Variants in HOXB9 observed in about 807,000 individuals in gnomAD.
HOXB9 encodes homeobox protein Hox-B9.
HOXB9 carries 10 observed loss-of-function variants against 21.5 expected under a neutral mutation model. The ratio of observed to expected loss-of-function variants is 0.47; its 90% confidence interval spans 0.29 to 0.79. HOXB9 has a LOEUF of 0.79. Ranked by LOEUF, HOXB9 falls within the 30% of genes least tolerant of loss-of-function variation. The pLI is 0.10. For missense variants in HOXB9, 375 were observed against 338.7 expected (o/e 1.11, Z -0.84); for synonymous variants, 156 against 151.2 (o/e 1.03, Z -0.23).
chr17:48,626,313 C>A lies in HOXB9; in HGVS notation c.-44G>T, dbSNP rs2070816563. 8 of 1,533,800 alleles carry A rather than the reference C, an allele frequency of 5.2e-6. No individual in the cohort carries two copies. Among genetic ancestry groups the A allele is most frequent in the Non-Finnish European group, 7.0e-6 (8 of 1,146,066 alleles). On this transcript the variant is annotated 5_prime_UTR_variant, in exon 1 of 2. Coordinates refer to ENST00000311177, the MANE Select transcript of HOXB9 (RefSeq NM_024017.5). Reference sequence around the variant, plus strand: ...CGCTTGCAGGGGGAAGGGAAGCGCTCGCGCGGCGGCGCCCAAGCAGGGAGA... The same window carrying A: ...CGCTTGCAGGGGGAAGGGAAGCGCTAGCGCGGCGGCGCCCAAGCAGGGAGA...
Position 48,622,976 on chromosome 17 carries a change from T to C in HOXB9, c.677A>G (p.Glu226Gly). 1.2e-6 allele frequency: 2 copies of C among 1,614,254 alleles called. No individual in the cohort carries two copies. The highest frequency in any genetic ancestry group is 1.7e-6 in the Non-Finnish European group (2 of 1,180,044). ...CTGAAACCAGATTTTGACTTGTCTC[T>C]CACTCAGATTGAGGAGTCTGGCCAC... ...HEVARLLNLS[E>G]RQVKIWFQNR... The change falls in exon 2 of 2, where the codon GAG becomes GGG. Residue 226 changes from glutamate to glycine, a missense_variant. Glu to Gly is a moderately conservative substitution (Grantham distance 98). Transcript: ENST00000311177.
intron 1 of HOXB9, 97 bp downstream of exon 1, chr17:48,625,656 C>A: frequency 7.3e-7 from 1 of 1,369,888 alleles, no homozygotes; most frequent in Non-Finnish European, 9.6e-7. Context: ...GCCACCGCCG[C>A]AGTTTCCCTT....
chr17:48,624,512 T>C (rs960710445), intron 1 of HOXB9, among the ~76,000 whole-genome samples: 1 of 152,076 alleles, frequency 6.6e-6, no homozygotes, highest in Non-Finnish European at 1.5e-5. Flanking sequence ...ACCTGGCAGG[T>C]TGGAGGTGAC....
chr17:48,625,696 C>T, intron 1 of HOXB9, 57 bp downstream of exon 1: 3 of 1,439,478 alleles, frequency 2.1e-6, no homozygotes, highest in Non-Finnish European at 2.7e-6. Flanking sequence ...TGCCTTTCCC[C>T]TCCCCGCCCC....
chr17:48,625,918 C>A lies in HOXB9; in HGVS notation c.352G>T (p.Ala118Ser). ...APGQGQAAVK[A>S]EPLLGAPGEL... The stretch of plus-strand genomic sequence containing the variant: ...CCAGGCGCGCCCAGCAGCGGCTCCG[C>A]CTTCACCGCCGCCTGGCCCTGCCCC... The change falls in exon 1 of 2, where the codon GCG (alanine) becomes TCG (serine). Residue 118 changes from alanine (A) to serine (S), a missense_variant. By Grantham distance (99) the Ala-to-Ser change is moderately conservative. Transcript: ENST00000311177. The A allele has an allele frequency of 6.3e-7, 1 of 1,582,308 alleles. No homozygotes were observed. Among genetic ancestry groups the A allele is most frequent in the Non-Finnish European group, 8.6e-7 (1 of 1,168,254 alleles).
At chr17:48,625,358 G>T (rs2070803260) in intron 1 of HOXB9, among the ~76,000 whole-genome samples, 1 of 152,216 alleles carries the variant, frequency 6.6e-6, no homozygotes, top group Non-Finnish European at 1.5e-5. Flanking sequence ...TCCGGCCCTT[G>T]CCCTCGCCGG....
At chr17:48,623,168 G>A in intron 1 of HOXB9, 33 bp from the exon 2 acceptor site, 1 of 1,568,850 alleles carries the variant, frequency 6.4e-7, no homozygotes, top group Middle Eastern at 1.7e-4. Context: ...ATCAAAGAAA[G>A]GAAGGGGGTG....
In HOXB9 at chr17:48,626,113, G is replaced by C. The variant is rs770298062; in HGVS notation, c.157C>G (p.Gln53Glu). The C allele has an allele frequency of 1.1e-5, 18 of 1,583,224 alleles. No individual in the cohort carries two copies. The African/African-American group carries it at 2.0e-4, about 18-fold the overall frequency. The change falls in exon 1 of 2, where the codon CAG becomes GAG. Residue 53 changes from glutamine to glutamate, a missense_variant. Coordinates refer to ENST00000311177, the MANE Select transcript of HOXB9 (RefSeq NM_024017.5). ...GCGCCGAACACCGGCGCTTTGGGCT[G>C]GAAGCTGCACGAGGGGAACTCCAGG... ...EHLEFPSCSF[Q>E]PKAPVFGASW...
chr17:48,624,846 C>T (rs1189288305), intron 1 of HOXB9, among the ~76,000 whole-genome samples: 2 of 152,086 alleles, frequency 1.3e-5, no homozygotes, highest in African/African-American at 4.8e-5. Context: ...TGGGAGGTGA[C>T]GGGAAACTAC....
Position 48,621,482 on chromosome 17 carries a change from C to G in HOXB9, c.*1418G>C, listed in dbSNP as rs1380066690. The G allele has an allele frequency of 6.6e-6, 1 of 152,424 alleles. No homozygotes were observed. The highest frequency in any genetic ancestry group is 1.5e-5 in the Non-Finnish European group (1 of 68,152). 9.4% of individuals were successfully genotyped at this position (152,424 alleles called of 1,614,324 possible). On this transcript the variant is annotated 3_prime_UTR_variant, in exon 2 of 2. Coordinates refer to ENST00000311177, the MANE Select transcript of HOXB9 (RefSeq NM_024017.5). ...ACGGAAGCAGAGAGTAAGCTTCCAT[C>G]TGATGCTTAGGTGCCATTTTGCCCC...
At position 48,625,122 on chromosome 17, in the gene HOXB9, G is replaced by A. The variant is rs569665464; in HGVS notation, c.517+631C>T. Among the ~76,000 whole-genome samples the A allele has an allele frequency of 2.6e-3, 403 of 152,360 alleles. 2 individuals are homozygous for A. The highest frequency in any genetic ancestry group is 8.5e-3 in the African/African-American group (352 of 41,588). On this transcript the variant is annotated intron_variant, in intron 1 of 1. Coordinates refer to ENST00000311177, the MANE Select transcript of HOXB9 (RefSeq NM_024017.5). ...GGGAGGGGCCGGCGCATCCGGGGAG[G>A]GGGCTCAGTCACCGCGTCCTGGGCT...
Position 48,622,841 on chromosome 17 carries a change from C to T in HOXB9, c.*59G>A. ...CAGACAGCACTGGCTTTGCAGTCGT[C>T]ACATAACTAAGAGTGAGATGGGGAA... On this transcript the variant is annotated 3_prime_UTR_variant, in exon 2 of 2. Coordinates refer to ENST00000311177, the MANE Select transcript of HOXB9 (RefSeq NM_024017.5). The T allele has an allele frequency of 1.5e-6, 2 of 1,308,516 alleles. No individual in the cohort carries two copies. The highest frequency in any genetic ancestry group is 1.7e-5 in the Admixed American group (1 of 57,694). The allele number at this position is 1,308,516 out of a possible 1,614,324, so 81.1% of individuals were successfully genotyped here.
In HOXB9 at chr17:48,621,480, A is replaced by C. The variant is rs749576404; in HGVS notation, c.*1420T>G. On this transcript the variant is annotated 3_prime_UTR_variant, in exon 2 of 2. Coordinates refer to ENST00000311177, the MANE Select transcript of HOXB9 (RefSeq NM_024017.5). ...GAACGGAAGCAGAGAGTAAGCTTCC[A>C]TCTGATGCTTAGGTGCCATTTTGCC... is the stretch of plus-strand genomic sequence containing the variant. 1 of 152,438 alleles carries C rather than the reference A, an allele frequency of 6.6e-6. No individual in the cohort carries two copies. Among genetic ancestry groups the C allele is most frequent in the African/African-American group, 2.4e-5 (1 of 41,460 alleles). 9.4% of individuals were successfully genotyped at this position (152,438 alleles called of 1,614,324 possible).
chr17:48,625,386 C>T (rs1411421952), intron 1 of HOXB9, among the ~76,000 whole-genome samples: 2 of 152,196 alleles, frequency 1.3e-5, no homozygotes, highest in Admixed American at 6.5e-5. Context: ...CCTCGCTGGC[C>T]GCTGGCCCCG....
At chr17:48,625,232 G>A (rs1356707347) in intron 1 of HOXB9, among the ~76,000 whole-genome samples, 1 of 152,262 alleles carries the variant, frequency 6.6e-6, no homozygotes, top group Non-Finnish European at 1.5e-5. Flanking sequence ...CCAAGCTGTT[G>A]CATCGCAAAT....
chr17:48,624,157 T>TAATTATTTGGCCAATTAA (rs1330017642), intron 1 of HOXB9, among the ~76,000 whole-genome samples: 3 of 152,188 alleles, frequency 2.0e-5, no homozygotes, highest in Non-Finnish European at 2.9e-5. Flanking sequence ...CAAATAAAGC[T>TAATTATTTGGCCAATTAA]AAGCCAATTA....
At position 48,622,755 on chromosome 17, in the gene HOXB9, T is replaced by C. The variant is rs2070780778; in HGVS notation, c.*145A>G. 1.6e-6 allele frequency: 1 copy of C among 623,150 alleles called. No individual in the cohort carries two copies. The highest frequency in any genetic ancestry group is 1.8e-5 in the African/African-American group (1 of 54,430). 38.6% of individuals were successfully genotyped at this position (623,150 alleles called of 1,614,324 possible). A position where few individuals can be genotyped will look rare whatever the true frequency, so the allele number is the denominator to read the frequency against. ...TAAGGGCAAAGGAAAGGAGGGAGGTTCTAGGTGCAGATAAAGGACTTGGAA... is the reference window on the plus strand; with the variant it reads ...TAAGGGCAAAGGAAAGGAGGGAGGTCCTAGGTGCAGATAAAGGACTTGGAA... On this transcript the variant is annotated 3_prime_UTR_variant, in exon 2 of 2. Transcript: ENST00000311177.
chr17:48,624,419 G>T (rs2070795042), intron 1 of HOXB9, among the ~76,000 whole-genome samples: 2 of 152,230 alleles, frequency 1.3e-5, no homozygotes, highest in South Asian at 4.2e-4. Context: ...GAATTTGGGG[G>T]TTTAGGGTGG....
Position 48,623,029 on chromosome 17 carries a change from C to T in HOXB9, c.624G>A (p.Met208Ile), listed in dbSNP as rs753182609. The part of the protein sequence containing the change: ...LELEKEFLFN[M>I]YLTRDRRHEV... ...CGTGCCTACGGTCCCTGGTGAGGTA[C>T]ATATTGAACAGAAACTCCTTCTCTA... Residue 208 changes from methionine (M) to isoleucine (I), a missense_variant, in exon 2 of 2, where the codon ATG becomes ATA. By Grantham distance (10) the Met-to-Ile change is conservative. Transcript: ENST00000311177. The T allele has an allele frequency of 1.8e-5, 29 of 1,614,072 alleles. No individual in the cohort carries two copies. In the East Asian group the frequency reaches 6.0e-4, roughly 33 times the overall value.
Sources: gnomAD v4.1 joint callset for allele counts (sites outside exome capture counted in the v4.1 genomes callset) on GRCh38, gnomAD v4.1.1 for gene constraint, MANE v1.5 for transcripts, NCBI Gene and HGNC (gene_info 2026-07-23, HGNC 2026-07-21) for gene names.